The following CRY1 variants were observed in gnomAD, a reference collection of about 807,000 sequenced individuals.
CRY1 encodes the protein cryptochrome circadian regulator 1.
CRY1 carries 45 observed loss-of-function variants against 76.0 expected under a neutral mutation model. The observed-to-expected ratio is 0.59, with a 90% CI of 0.47 to 0.76. The LOEUF (loss-of-function observed/expected upper bound fraction) is 0.76, where lower values mean the gene tolerates loss of function less well. CRY1 is among the 30% of genes least tolerant of loss of function. The pLI is 0.00. For missense variants in CRY1, 587 were observed against 716.4 expected (o/e 0.82, Z 2.06); for synonymous variants, 248 against 244.0 (o/e 1.02, Z -0.15).
chr12:107,069,174 T>C (rs1216525803), intron 1 of CRY1, among the ~76,000 whole-genome samples: 2 of 152,082 alleles, frequency 1.3e-5, no homozygotes, highest in African/African-American at 4.8e-5. Context: ...ACCAGCAATG[T>C]ACAAGGGTTC....
chr12:107,073,426 C>T lies in CRY1; in HGVS notation c.158+19378G>A, dbSNP rs183340304. On this transcript the variant is annotated intron_variant, in intron 1 of 12. Transcript: ENST00000008527. ...AAATATACTTTTTAAAAATCATAAT[C>T]ATAAAGACTGCCATTACTGGCTGGG... is the stretch of plus-strand genomic sequence containing the variant. Among the ~76,000 whole-genome samples, 21 of 152,184 alleles carry T rather than the reference C, an allele frequency of 1.4e-4. 1 individual carries two copies. In the East Asian group the frequency reaches 4.1e-3, roughly 30 times the overall value.
intron 1 of CRY1, among the ~76,000 whole-genome samples, chr12:107,072,074 A>G (rs1220321580): frequency 1.3e-5 from 2 of 152,212 alleles, no homozygotes; most frequent in Non-Finnish European, 2.9e-5. Flanking sequence ...AGTCAAGTCT[A>G]AGGATTCTGG....
intron 2 of CRY1, among the ~76,000 whole-genome samples, chr12:107,013,342 G>A (rs1952465222): frequency 6.6e-6 from 1 of 152,180 alleles, no homozygotes; most frequent in Non-Finnish European, 1.5e-5. Flanking sequence ...CTTGCTGAAG[G>A]CTTAGATGAT....
At chr12:107,046,567 T>G (rs977462347) in intron 1 of CRY1, among the ~76,000 whole-genome samples, 1 of 152,056 alleles carries the variant, frequency 6.6e-6, no homozygotes, top group African/African-American at 2.4e-5. Context: ...TTGATTAAAT[T>G]CCCCACTAAA....
intron 1 of CRY1, among the ~76,000 whole-genome samples, chr12:107,028,690 T>C (rs555987585): frequency 6.6e-6 from 1 of 152,288 alleles, no homozygotes; most frequent in African/African-American, 2.4e-5. Flanking sequence ...AGACAATGAA[T>C]TAAAACTCAG....
intron 1 of CRY1, among the ~76,000 whole-genome samples, chr12:107,029,606 C>CAAAAA (rs35485801): frequency 1.8e-5 from 2 of 112,258 alleles, no homozygotes. Context: ...GGTCTTGCCT[C>CAAAAA]AAAAAAAAAA....
chr12:107,040,959 A>C (rs1268083018), intron 1 of CRY1, among the ~76,000 whole-genome samples: 1 of 151,618 alleles, frequency 6.6e-6, no homozygotes, highest in African/African-American at 2.4e-5. Context: ...TATGCTGCCC[A>C]GGCTGGTCTT....
Position 107,078,926 on chromosome 12 carries a change from T to C in CRY1, c.158+13878A>G, listed in dbSNP as rs76842338. 3.8e-3 allele frequency among the ~76,000 whole-genome samples: 585 copies of C among 152,268 alleles called. 3 individuals carry two copies. The highest frequency in any genetic ancestry group is 0.013 in the African/African-American group (553 of 41,570). ...TCCTCTTATATCTTCCCCTTCCTCA[T>C]AGCCTTTCCCCTTGTTTAAGCCTGT... is the stretch of plus-strand genomic sequence containing the variant. On this transcript the variant is annotated intron_variant, in intron 1 of 12. Coordinates refer to ENST00000008527, the MANE Select transcript of CRY1 (RefSeq NM_004075.5).
Position 106,999,680 on chromosome 12 carries a change from G to C in CRY1, c.1008C>G (p.Gly336=), listed in dbSNP as rs1566241091. The C allele has an allele frequency of 2.5e-6, 4 of 1,614,250 alleles. No individual in the cohort carries two copies. The highest frequency in any genetic ancestry group is 3.4e-6 in the Non-Finnish European group (4 of 1,180,040). Residue 336 remains glycine (G), a synonymous_variant, in exon 7 of 13, where the codon GGC becomes GGG. Coordinates refer to ENST00000008527, the MANE Select transcript of CRY1 (RefSeq NM_004075.5). ...TCATGATGGCATCAATCCATGGAAA[G>C]CCTGTCCGGCCTTCCGCCCATTTGG... ...ALAKWAEGRT[G]FPWIDAIMTQ...
At chr12:107,034,759 G>C (rs1218829553) in intron 1 of CRY1, among the ~76,000 whole-genome samples, 2 of 152,146 alleles carry the variant, frequency 1.3e-5, no homozygotes, top group Non-Finnish European at 2.9e-5. Flanking sequence ...AAAGGAAGAA[G>C]CAAAACCATG....
intron 1 of CRY1, among the ~76,000 whole-genome samples, chr12:107,043,942 C>T (rs963271315): frequency 6.6e-6 from 1 of 152,128 alleles, no homozygotes; most frequent in Non-Finnish European, 1.5e-5. Context: ...CCAAAGTACC[C>T]CTTACTCCAT....
intron 1 of CRY1, among the ~76,000 whole-genome samples, chr12:107,023,486 C>T (rs1243235057): frequency 1.3e-5 from 2 of 152,168 alleles, no homozygotes; most frequent in African/African-American, 4.8e-5. Flanking sequence ...TAAAAAGCTG[C>T]TTGGTCTAGA....
At chr12:107,069,617 GTATATATATATAAAGTATATATA>G in intron 1 of CRY1, among the ~76,000 whole-genome samples, 2 of 74,596 alleles carry the variant, frequency 2.7e-5, no homozygotes, top group Non-Finnish European at 4.7e-5. Context: ...TATATAAAAA[GTATATATATATAAAGTATATATA>G]TAAAAAGTAT....
At chr12:107,077,151 A>G (rs1953265451) in intron 1 of CRY1, among the ~76,000 whole-genome samples, 3 of 151,542 alleles carry the variant, frequency 2.0e-5, no homozygotes, top group African/African-American at 7.3e-5. Context: ...ACTCCCCAAC[A>G]CATACACACA....
At chr12:107,070,545 G>C (rs1287335221) in intron 1 of CRY1, among the ~76,000 whole-genome samples, 1 of 151,578 alleles carries the variant, frequency 6.6e-6, no homozygotes, top group Admixed American at 6.6e-5. Flanking sequence ...AATAAAGGAG[G>C]CTAAAGAAAG....
At chr12:107,046,367 C>A (rs2374664) in intron 1 of CRY1, among the ~76,000 whole-genome samples, 76,660 of 151,396 alleles carry the variant, frequency 0.51, 20,295 homozygotes, top group East Asian at 0.72. Context: ...TAAATATGCA[C>A]AAGTATAAAA....
rs192466887 is a variant in CRY1 at position 106,991,785 on chromosome 12, T to G, written c.*217A>C. ...TAATTGTGACTGTTTATATTTACATTAAGCAAATTCTCTTGCCAAGTTCTT... is the reference window on the plus strand; with the variant it reads ...TAATTGTGACTGTTTATATTTACATGAAGCAAATTCTCTTGCCAAGTTCTT... On this transcript the variant is annotated 3_prime_UTR_variant, in exon 13 of 13. Coordinates refer to ENST00000008527, the MANE Select transcript of CRY1 (RefSeq NM_004075.5). 168 of 152,752 alleles carry G rather than the reference T, an allele frequency of 1.1e-3. 4 individuals carry two copies. Among genetic ancestry groups the G allele is most frequent in the Non-Finnish European group, 7.4e-5 (5 of 68,008 alleles). 9.5% of individuals were successfully genotyped at this position (152,752 alleles called of 1,614,324 possible).
intron 2 of CRY1, among the ~76,000 whole-genome samples, chr12:107,021,713 C>T (rs949267678): frequency 1.1e-4 from 16 of 150,894 alleles, no homozygotes; most frequent in East Asian, 3.9e-4. Flanking sequence ...TATATATATA[C>T]ACACACACAC....
At chr12:107,020,287 T>C (rs1437643531) in intron 2 of CRY1, among the ~76,000 whole-genome samples, 1 of 151,206 alleles carries the variant, frequency 6.6e-6, no homozygotes, top group African/African-American at 2.4e-5. Context: ...CATTAAGAAA[T>C]ACAAATAGAA....
Sources: gnomAD v4.1 joint callset for allele counts (sites outside exome capture counted in the v4.1 genomes callset) on GRCh38, gnomAD v4.1.1 for gene constraint, MANE v1.5 for transcripts, NCBI Gene and HGNC (gene_info 2026-07-23, HGNC 2026-07-21) for gene names.